SUSD2: variants seen among roughly 807,000 people sequenced by gnomAD.
SUSD2 encodes the protein sushi domain-containing protein 2.
In SUSD2, 86 loss-of-function variants were observed where a neutral mutation model predicts 93.8. That is an observed-to-expected ratio of 0.92 (90% CI 0.77 to 1.10). The LOEUF is 1.10. SUSD2 is among the 50% of genes least tolerant of loss of function. The pLI, the probability that SUSD2 is intolerant of heterozygous loss-of-function variation, is 0.00. For synonymous variants in SUSD2, 483 were observed against 485.0 expected (o/e 1.00, Z 0.05); for missense variants, 1,060 against 1,137.0 (o/e 0.93, Z 0.97).
chr22:24,187,977 T>C lies in SUSD2; in HGVS notation c.2183T>C (p.Leu728Pro). 1 of 1,612,834 alleles carries C rather than the reference T, an allele frequency of 6.2e-7. No individual in the cohort carries two copies. The highest frequency in any genetic ancestry group is 8.5e-7 in the Non-Finnish European group (1 of 1,179,948). The change falls in exon 13 of 15, where the codon CTG becomes CCG. Residue 728 changes from leucine to proline, a missense_variant. This residue lies in a region of SUSD2 where 973 missense variants were observed against 1,005.3 expected (regional missense o/e 0.97). Transcript: ENST00000358321. ...SLQPVVSCGW[L>P]APPPNGQKEG... ...ATCCCAGTGGTGTCCTGTGGCTGGC[T>C]GGCCCCACCTCCCAACGGACAAAAG...
Position 24,185,262 on chromosome 22 carries a change from GAC to G in SUSD2, c.952_953del (p.Thr318ProfsTer5). On this transcript the variant is annotated frameshift_variant, in exon 6 of 15. Transcript: ENST00000358321. LOFTEE classifies it high-confidence loss of function. Reference protein sequence around the residue: ...EELPDCPCTLTQARADSGRFF... With the variant: ...EELPDCPCTLXQARADSGRFF... ...AGCTGCCGGACTGCCCCTGCACCCT[GAC>G]CCAGGCCCGGGCTGACTCCGGCCGC... is the stretch of plus-strand genomic sequence containing the variant. The G allele has an allele frequency of 6.2e-7, 1 of 1,606,130 alleles. No individual in the cohort carries two copies. Among genetic ancestry groups the G allele is most frequent in the Non-Finnish European group, 8.5e-7 (1 of 1,179,904 alleles).
At position 24,181,563 on chromosome 22, in the gene SUSD2, C is replaced by T. The variant is rs115842700; in HGVS notation, c.44C>T (p.Thr15Ile). 3.1e-3 allele frequency: 5,002 copies of T among 1,600,144 alleles called. 145 individuals are homozygous for T. The African/African-American group carries it at 0.058, about 19-fold the overall frequency. Residue 15 changes from threonine (T) to isoleucine (I), a missense_variant, in exon 1 of 15, where the codon ACA becomes ATA. By Grantham distance (89) the Thr-to-Ile change is moderately conservative. This residue lies in a region of SUSD2 where 87 missense variants were observed against 131.6 expected (regional missense o/e 0.66). Coordinates refer to ENST00000358321, the MANE Select transcript of SUSD2 (RefSeq NM_019601.4). The stretch of plus-strand genomic sequence containing the variant: ...CCCTGGGCCCTGCTGCTGCTGGCGA[C>T]AGCCCTCGGCCCGGGCCCCGGACCC... ...LLPWALLLLA[T>I]ALGPGPGPTA...
In SUSD2 at chr22:24,187,780, A is replaced by G; in HGVS notation, c.2101A>G (p.Thr701Ala). ...TGTGGCAGCCACTGGGAGCCTGAGC[A>G]CGGGCACTGCCACTCGGGTGGCCCA... ...FDVAATGSLS[T>A]GTATRVAHQL... The change falls in exon 12 of 15, where the codon ACG becomes GCG. Residue 701 changes from threonine to alanine, a missense_variant. Coordinates refer to ENST00000358321, the MANE Select transcript of SUSD2 (RefSeq NM_019601.4). The G allele has an allele frequency of 1.2e-6, 2 of 1,613,364 alleles. No homozygotes were observed. Among genetic ancestry groups the G allele is most frequent in the Non-Finnish European group, 1.7e-6 (2 of 1,179,860 alleles).
At chr22:24,183,963 G>A (rs1601339206) in intron 3 of SUSD2, 173 bp from the exon 4 acceptor site, 2 of 696,520 alleles carry the variant, frequency 2.9e-6, no homozygotes, top group Non-Finnish European at 4.7e-6. Context: ...GGGAGGGCAG[G>A]CCCCTGCCTC....
intron 11 of SUSD2, 46 bp downstream of exon 11, chr22:24,187,496 G>A (rs1215056857): frequency 6.2e-7 from 1 of 1,606,296 alleles, no homozygotes; most frequent in South Asian, 1.1e-5. Context: ...GGGGGTTACT[G>A]GAAACATGGC....
chr22:24,187,285 C>T lies in SUSD2; in HGVS notation c.1726C>T (p.Pro576Ser), dbSNP rs766473126. 2 of 1,614,068 alleles carry T rather than the reference C, an allele frequency of 1.2e-6. No individual in the cohort carries two copies. The highest frequency in any genetic ancestry group is 2.2e-5 in the South Asian group (2 of 91,082). Residue 576 changes from proline (P) to serine (S), a missense_variant, in exon 11 of 15, where the codon CCG (proline) becomes TCG (serine). Coordinates refer to ENST00000358321, the MANE Select transcript of SUSD2 (RefSeq NM_019601.4). ...CGGCCTGGAGGTCAGCGTGCAGGGC[C>T]CGTTCCTGAGTGTGTCCGTCCTGCT... is the stretch of plus-strand genomic sequence containing the variant. ...GAGLEVSVQG[P>S]FLSVSVLLPE...
At chr22:24,182,894 G>C (rs1601338218) in intron 1 of SUSD2, 163 bp from the exon 2 acceptor site, 1 of 611,986 alleles carries the variant, frequency 1.6e-6, no homozygotes, top group Non-Finnish European at 2.9e-6. Context: ...CGGGCCCTGT[G>C]GCTTTCTACT....
chr22:24,187,882 C>A (rs781446726), intron 12 of SUSD2, 39 bp downstream of exon 12: 45 of 1,602,988 alleles, frequency 2.8e-5, no homozygotes, highest in Non-Finnish European at 3.6e-5. Flanking sequence ...GGAGCTGGGA[C>A]AGGACCCCCC....
In SUSD2 at chr22:24,187,088, C is replaced by T; in HGVS notation, c.1643-114C>T. 2.8e-6 allele frequency: 4 copies of T among 1,414,402 alleles called. No homozygotes were observed. The South Asian group carries it at 5.2e-5, about 18-fold the overall frequency. The allele number at this position is 1,414,402 out of a possible 1,614,324, so 87.6% of individuals were successfully genotyped here. On this transcript the variant is annotated intron_variant, in intron 10 of 14. Transcript: ENST00000358321. ...TTGGCCCCGGGAACGCCCTCCCTTCCCCTGCAGGTGCCCTCACCCACAGCC... is the reference window on the plus strand; with the variant it reads ...TTGGCCCCGGGAACGCCCTCCCTTCTCCTGCAGGTGCCCTCACCCACAGCC...
intron 5 of SUSD2, 61 bp downstream of exon 5, chr22:24,185,001 G>T: frequency 1.2e-6 from 2 of 1,610,846 alleles, no homozygotes; most frequent in Non-Finnish European, 1.7e-6. Context: ...GGCCCATCAT[G>T]CTTGCCTGGG....
chr22:24,185,150 A>G lies in SUSD2; in HGVS notation c.839A>G (p.Asp280Gly). Reference sequence around the variant, plus strand: ...GCACTGGCCTGGCACCTGAGCGATGACTTCCGAGAGGACCCTGTGGCCTGG... The same window carrying G: ...GCACTGGCCTGGCACCTGAGCGATGGCTTCCGAGAGGACCCTGTGGCCTGG... The part of the protein sequence containing the change: ...DHALAWHLSD[D>G]FREDPVAWAR... Residue 280 changes from aspartate to glycine, a missense_variant, in exon 6 of 15, where the codon GAC (aspartate) becomes GGC (glycine). Asp to Gly is a moderately conservative substitution (Grantham distance 94). Around this residue, in one of 2 missense-constraint regions of SUSD2, gnomAD observed 973 missense variants for 1,005.3 expected, o/e 0.97. Transcript: ENST00000358321. 6.2e-7 allele frequency: 1 copy of G among 1,612,586 alleles called. No homozygotes were observed. Among genetic ancestry groups the G allele is most frequent in the Non-Finnish European group, 8.5e-7 (1 of 1,179,658 alleles).
In SUSD2 at chr22:24,187,294, A is replaced by T. The variant is rs199745266; in HGVS notation, c.1735A>T (p.Ser579Cys). The change falls in exon 11 of 15, where the codon AGT becomes TGT. Residue 579 changes from serine to cysteine, a missense_variant. Around this residue, in one of 2 missense-constraint regions of SUSD2, gnomAD observed 973 missense variants for 1,005.3 expected, o/e 0.97. Coordinates refer to ENST00000358321, the MANE Select transcript of SUSD2 (RefSeq NM_019601.4). ...GGTCAGCGTGCAGGGCCCGTTCCTG[A>T]GTGTGTCCGTCCTGCTGCCTGAGAA... ...LEVSVQGPFL[S>C]VSVLLPEKFL... is the part of the protein sequence containing the mutation. The T allele has an allele frequency of 1.5e-5, 25 of 1,613,938 alleles. No homozygotes were observed. The East Asian group carries it at 5.1e-4, about 33-fold the overall frequency.
intron 1 of SUSD2, chr22:24,182,739 G>A (rs1160910425): frequency 3.3e-6 from 1 of 303,258 alleles, no homozygotes; most frequent in African/African-American, 2.1e-5. Flanking sequence ...AGAGGACTTG[G>A]TGGCTGAAGG....
chr22:24,183,373 G>A lies in SUSD2; in HGVS notation c.287+106G>A, dbSNP rs978381974. 14 of 1,531,300 alleles carry A rather than the reference G, an allele frequency of 9.1e-6. No homozygotes were observed. In the African/African-American group the frequency reaches 1.8e-4, roughly 19 times the overall value. 94.9% of individuals were successfully genotyped at this position (1,531,300 alleles called of 1,614,324 possible). A position where few individuals can be genotyped will look rare whatever the true frequency, so the allele number is the denominator to read the frequency against. On this transcript the variant is annotated intron_variant, in intron 2 of 14. Coordinates refer to ENST00000358321, the MANE Select transcript of SUSD2 (RefSeq NM_019601.4). ...GCTGAGTGGAGCCCCTCGGACCCAGGACAGGCAGGAGGGCACAGGGACAGC... is the reference window on the plus strand; with the variant it reads ...GCTGAGTGGAGCCCCTCGGACCCAGAACAGGCAGGAGGGCACAGGGACAGC...
chr22:24,183,823 C>G, intron 3 of SUSD2, 177 bp downstream of exon 3: 1 of 768,668 alleles, frequency 1.3e-6, no homozygotes, highest in Non-Finnish European at 2.1e-6. Flanking sequence ...GCATCCAGAC[C>G]GCGGTCCCAG....
At chr22:24,183,953 G>C (rs1389112246) in intron 3 of SUSD2, 183 bp from the exon 4 acceptor site, 1 of 680,036 alleles carries the variant, frequency 1.5e-6, no homozygotes, top group African/African-American at 1.8e-5. Flanking sequence ...GGGCAGTGGA[G>C]GGAGGGCAGG....
Position 24,188,166 on chromosome 22 carries a change from C to T in SUSD2, c.2341+31C>T. ...GACACTCTGCTCATACACCTGCCTGCACCTGTCCCCACTCACCACCCCAGA... is the reference window on the plus strand; with the variant it reads ...GACACTCTGCTCATACACCTGCCTGTACCTGTCCCCACTCACCACCCCAGA... On this transcript the variant is annotated intron_variant, in intron 13 of 14. Coordinates refer to ENST00000358321, the MANE Select transcript of SUSD2 (RefSeq NM_019601.4). This position sits in a 1 kb window ranked among gnomAD's most constrained non-coding sequence, Gnocchi z 4.7. 4 of 1,600,658 alleles carry T rather than the reference C, an allele frequency of 2.5e-6. No individual in the cohort carries two copies. The highest frequency in any genetic ancestry group is 2.2e-5 in the South Asian group (2 of 89,824).
intron 10 of SUSD2, 36 bp from the exon 11 acceptor site, chr22:24,187,166 C>T (rs377678605): frequency 6.6e-5 from 105 of 1,596,166 alleles, no homozygotes; most frequent in Non-Finnish European, 8.5e-5. Context: ...AAGATGCTCA[C>T]AGCGGGTGAC....
intron 4 of SUSD2, 104 bp from the exon 5 acceptor site, chr22:24,184,662 C>T (rs1240132879): frequency 4.1e-6 from 4 of 963,938 alleles, no homozygotes; most frequent in East Asian, 2.5e-5. Flanking sequence ...CTAAGGGGAC[C>T]GCCTGGCGGT....
Sources: allele counts gnomAD v4.1 joint callset, GRCh38; gene constraint gnomAD v4.1.1; regional missense constraint gnomAD v4.1.1; non-coding constraint Gnocchi (gnomAD v3.1); transcripts MANE v1.5; gene names NCBI Gene and HGNC (gene_info 2026-07-23, HGNC 2026-07-21).